The following RAB38 variants were observed in gnomAD, a reference collection of about 807,000 sequenced individuals.
The protein encoded by RAB38 is RAB38, member RAS oncogene family.
RAB38 carries 15 observed loss-of-function variants against 18.4 expected under a neutral mutation model. The ratio of observed to expected loss-of-function variants is 0.82; its 90% CI spans 0.55 to 1.26. RAB38 has a LOEUF of 1.26. Ranked by LOEUF, RAB38 falls within the 50% of genes most tolerant of loss-of-function variation. The probability of loss-of-function intolerance (pLI) is 0.00; values close to 1 mark genes in which losing one functional copy is unlikely to be tolerated. For synonymous variants in RAB38, 101 were observed against 104.4 expected (o/e 0.97, Z 0.20); for missense variants, 294 against 267.4 (o/e 1.10, Z -0.69).
At chr11:88,138,380 T>C (rs544009039) in intron 2 of RAB38, among the ~76,000 whole-genome samples, 4 of 152,012 alleles carry the variant, frequency 2.6e-5, no homozygotes, top group Non-Finnish European at 5.9e-5. Flanking sequence ...AAAGCAGTGA[T>C]AGAATTTTAC....
chr11:88,070,337 G>A, the RAB38 span, among the ~76,000 whole-genome samples: 1 of 152,166 alleles, frequency 6.6e-6, no homozygotes, highest in Non-Finnish European at 1.5e-5. Context: ...GAACCCACCA[G>A]AAGGAAGAAA....
rs1003010098 is a variant in RAB38 at position 88,113,965 on chromosome 11, C to G, written c.*23G>C. 2.5e-6 allele frequency: 4 copies of G among 1,613,508 alleles called. No homozygotes were observed. In the African/African-American group the frequency reaches 4.0e-5, roughly 16 times the overall value. On this transcript the variant is annotated 3_prime_UTR_variant, in exon 3 of 3. Coordinates refer to ENST00000243662, the MANE Select transcript of RAB38 (RefSeq NM_022337.3). The stretch of plus-strand genomic sequence containing the variant: ...TTGTGGAACAATGAGGTCATTCCTA[C>G]CAGACACCAGCAAAGGTGCCTACTA...
the RAB38 span, among the ~76,000 whole-genome samples, chr11:88,082,055 A>G: frequency 6.6e-6 from 1 of 151,902 alleles, no homozygotes. Flanking sequence ...AAGGCTCAAA[A>G]TTAATTTCTA....
chr11:88,067,590 A>C, the RAB38 span, among the ~76,000 whole-genome samples: 3 of 152,188 alleles, frequency 2.0e-5, no homozygotes, highest in Admixed American at 2.0e-4. Context: ...TTCAATTATC[A>C]GTGATGTTAT....
chr11:87,958,258 C>A, the RAB38 span, among the ~76,000 whole-genome samples: 1 of 152,158 alleles, frequency 6.6e-6, no homozygotes, highest in African/African-American at 2.4e-5. Context: ...TATAAGTAGG[C>A]TCGGCTAAGC....
chr11:88,144,955 A>G (rs1310492402), intron 2 of RAB38, among the ~76,000 whole-genome samples: 1 of 152,078 alleles, frequency 6.6e-6, no homozygotes, highest in Non-Finnish European at 1.5e-5. Context: ...AGCAGAATGG[A>G]GCAGGCTGGA....
the RAB38 span, among the ~76,000 whole-genome samples, chr11:88,035,095 T>C: frequency 6.6e-6 from 1 of 152,218 alleles, no homozygotes; most frequent in African/African-American, 2.4e-5. Flanking sequence ...AGGACATTTC[T>C]CTTTTTTTGA....
the RAB38 span, among the ~76,000 whole-genome samples, chr11:87,908,299 T>G: frequency 1.3e-5 from 2 of 151,994 alleles, no homozygotes; most frequent in Non-Finnish European, 2.9e-5. Flanking sequence ...TCTTTCCCAC[T>G]AATCTTTCTA....
chr11:87,877,458 C>T, the RAB38 span, among the ~76,000 whole-genome samples: 1 of 151,524 alleles, frequency 6.6e-6, no homozygotes, highest in Non-Finnish European at 1.5e-5. Context: ...CCCCCCACAC[C>T]CATGCTATCT....
At chr11:88,032,704 A>C in the RAB38 span, among the ~76,000 whole-genome samples, 5,126 of 152,276 alleles carry the variant, frequency 0.034, 228 homozygotes, top group South Asian at 0.075. Context: ...TTAGAATGGC[A>C]ATCATTAAAA....
At chr11:88,043,600 TGA>T in the RAB38 span, among the ~76,000 whole-genome samples, 1 of 114,460 alleles carries the variant, frequency 8.7e-6, no homozygotes, top group African/African-American at 2.6e-5. Flanking sequence ...GAGCACCTTG[TGA>T]CCCCCCCACC....
chr11:88,092,893 C>T, the RAB38 span, among the ~76,000 whole-genome samples: 1 of 151,646 alleles, frequency 6.6e-6, no homozygotes, highest in East Asian at 2.0e-4. Context: ...AGAGTTCATT[C>T]TAAGATACAT....
At chr11:87,964,839 T>C in the RAB38 span, among the ~76,000 whole-genome samples, 1 of 152,168 alleles carries the variant, frequency 6.6e-6, no homozygotes, top group Non-Finnish European at 1.5e-5. Flanking sequence ...ACCACCGTAA[T>C]TTATAAATTA....
chr11:88,024,483 C>A, the RAB38 span, among the ~76,000 whole-genome samples: 1 of 152,146 alleles, frequency 6.6e-6, no homozygotes, highest in Non-Finnish European at 1.5e-5. Flanking sequence ...AGAGGTTCCT[C>A]ATAAAACTGA....
chr11:88,090,714 G>A, the RAB38 span, among the ~76,000 whole-genome samples: 15 of 152,076 alleles, frequency 9.9e-5, no homozygotes, highest in African/African-American at 3.4e-4. Flanking sequence ...GGAAATGTCA[G>A]TGCCAAAAAC....
the RAB38 span, among the ~76,000 whole-genome samples, chr11:87,967,381 C>A: frequency 4.4e-4 from 67 of 152,192 alleles, no homozygotes; most frequent in East Asian, 0.012. Flanking sequence ...ACTTCAGAGC[C>A]TTCTGGGGTC....
intron 2 of RAB38, among the ~76,000 whole-genome samples, chr11:88,136,370 T>C (rs1473152490): frequency 6.6e-6 from 1 of 152,116 alleles, no homozygotes; most frequent in African/African-American, 2.4e-5. Flanking sequence ...GCTTCAAATG[T>C]GGCCAACAAG....
chr11:87,838,167 T>G, the RAB38 span, among the ~76,000 whole-genome samples: 1 of 151,930 alleles, frequency 6.6e-6, no homozygotes, highest in African/African-American at 2.4e-5. Flanking sequence ...CAGGTTGGAG[T>G]GCAGTGGCAT....
the RAB38 span, among the ~76,000 whole-genome samples, chr11:87,925,652 C>T: frequency 6.6e-6 from 1 of 151,988 alleles, no homozygotes; most frequent in Non-Finnish European, 1.5e-5. Flanking sequence ...TTGAGCTGAT[C>T]ATTTTACAAG....
Sources: gnomAD v4.1 joint callset for allele counts (sites outside exome capture counted in the v4.1 genomes callset) on GRCh38, gnomAD v4.1.1 for gene constraint, MANE v1.5 for transcripts, NCBI Gene and HGNC (gene_info 2026-07-23, HGNC 2026-07-21) for gene names.